PCDHA1: variants seen among roughly 807,000 people sequenced by gnomAD.
PCDHA1 encodes protocadherin alpha 1, also known as protocadherin alpha-1.
A neutral mutation model predicts 61.3 loss-of-function variants in PCDHA1; 42 were observed. The observed-to-expected ratio is 0.69, with a 90% CI of 0.54 to 0.89. The LOEUF is 0.89. Among genes scored for constraint, PCDHA1 ranks in the 40% least tolerant of loss-of-function variants. The pLI, the probability that PCDHA1 is intolerant of heterozygous loss-of-function variation, is 0.00. For missense variants in PCDHA1, 1,256 were observed against 1,235.3 expected (o/e 1.02, Z -0.25); for synonymous variants, 610 against 553.8 (o/e 1.10, Z -1.43).
intron 1 of PCDHA1, among the ~76,000 whole-genome samples, chr5:140,821,333 A>T (rs1554128062): frequency 6.6e-6 from 1 of 152,190 alleles, no homozygotes; most frequent in East Asian, 1.9e-4. Flanking sequence ...TCTAGTAAGG[A>T]TTGGGGTTTC....
intron 1 of PCDHA1, chr5:140,968,754 G>A (rs782271569): frequency 1.2e-5 from 19 of 1,614,052 alleles, no homozygotes; most frequent in South Asian, 2.2e-5. Context: ...GTGGTGGTCC[G>A]AGATAATGGA....
chr5:140,875,517 G>A (rs2055556431), intron 1 of PCDHA1: 7 of 1,614,024 alleles, frequency 4.3e-6, no homozygotes, highest in Non-Finnish European at 5.9e-6. Flanking sequence ...AGCGTCTGCT[G>A]CTCTCGCTTC....
chr5:140,903,765 C>G (rs782453519), intron 1 of PCDHA1, among the ~76,000 whole-genome samples: 1 of 152,086 alleles, frequency 6.6e-6, no homozygotes. Flanking sequence ...TTTTGCTGAA[C>G]TTTTCTATCC....
At chr5:140,900,538 A>G (rs1341812228) in intron 1 of PCDHA1, among the ~76,000 whole-genome samples, 1 of 152,162 alleles carries the variant, frequency 6.6e-6, no homozygotes, top group Non-Finnish European at 1.5e-5. Context: ...CGGCTTTCCA[A>G]AGTGCTGGGA....
intron 1 of PCDHA1, chr5:140,882,108 A>G: frequency 7.3e-7 from 1 of 1,370,912 alleles, no homozygotes; most frequent in Non-Finnish European, 9.8e-7. Flanking sequence ...TCCGCGAAGA[A>G]AGCCGCCGTT....
intron 1 of PCDHA1, chr5:140,843,565 G>A (rs2150362787): frequency 6.3e-7 from 1 of 1,595,918 alleles, no homozygotes; most frequent in Admixed American, 1.7e-5. Context: ...TGGGGAGCTG[G>A]TCATACTCGC....
At chr5:140,928,120 G>A (rs368067553) in intron 1 of PCDHA1, 5 of 1,614,062 alleles carry the variant, frequency 3.1e-6, no homozygotes, top group African/African-American at 1.3e-5. Context: ...GCAGATCAGT[G>A]AATACCAAGT....
At chr5:140,795,989 A>C (rs1554119641) in intron 1 of PCDHA1, 2 of 1,614,148 alleles carry the variant, frequency 1.2e-6, no homozygotes, top group Non-Finnish European at 1.7e-6. Context: ...AAACTTGTGG[A>C]CATCAATGAT....
intron 1 of PCDHA1, chr5:140,883,583 G>T (rs782212784): frequency 2.5e-6 from 4 of 1,613,916 alleles, no homozygotes; most frequent in Non-Finnish European, 3.4e-6. Context: ...GTGGGCCACG[G>T]CCAGCGTGTC....
intron 1 of PCDHA1, among the ~76,000 whole-genome samples, chr5:140,837,376 A>G (rs1191040233): frequency 6.6e-6 from 1 of 151,912 alleles, no homozygotes; most frequent in Non-Finnish European, 1.5e-5. Context: ...AGTATTTTTT[A>G]TTTTGTTCCT....
rs1761442223 is a variant in PCDHA1 at position 140,788,164 on chromosome 5, G to C, written c.1874G>C (p.Gly625Ala). ...GGCGCGCGCATCCCGTTCCGCGTGG[G>C]GCTGTACACGGGCGAGATCAGCACG... Reference protein sequence around the residue: ...AGGARIPFRVGLYTGEISTTR... With the variant: ...AGGARIPFRVALYTGEISTTR... The change falls in exon 1 of 4, where the codon GGG becomes GCG. Residue 625 changes from glycine to alanine, a missense_variant. Gly to Ala is a moderately conservative substitution (Grantham distance 60, BLOSUM62 0). Coordinates refer to ENST00000504120, the MANE Select transcript of PCDHA1 (RefSeq NM_018900.4). The C allele has an allele frequency of 1.2e-6, 2 of 1,614,020 alleles. No individual in the cohort carries two copies. Among genetic ancestry groups the C allele is most frequent in the Admixed American group, 1.7e-5 (1 of 60,024 alleles).
At chr5:140,910,311 A>G (rs928675389) in intron 1 of PCDHA1, among the ~76,000 whole-genome samples, 4 of 152,224 alleles carry the variant, frequency 2.6e-5, no homozygotes, top group African/African-American at 9.6e-5. Context: ...AGAGATCTAC[A>G]TGAGTCAGAC....
At chr5:140,822,871 A>C in intron 1 of PCDHA1, 1 of 1,614,204 alleles carries the variant, frequency 6.2e-7, no homozygotes. Flanking sequence ...TCCACTCAGC[A>C]CGGTCATTGC....
chr5:140,969,630 A>G (rs1185557414), intron 1 of PCDHA1: 1 of 654,766 alleles, frequency 1.5e-6, no homozygotes, highest in Non-Finnish European at 2.5e-6. Flanking sequence ...GAAACAGGAC[A>G]GGCCTTGGAA....
intron 1 of PCDHA1, among the ~76,000 whole-genome samples, chr5:140,945,698 T>C (rs530742031): frequency 3.9e-5 from 6 of 152,046 alleles, no homozygotes; most frequent in Non-Finnish European, 8.8e-5. Flanking sequence ...GTCCACTGAT[T>C]TGCAACAAAA....
chr5:140,794,489 G>A (rs1761861148), intron 1 of PCDHA1, among the ~76,000 whole-genome samples: 1 of 152,182 alleles, frequency 6.6e-6, no homozygotes, highest in African/African-American at 2.4e-5. Flanking sequence ...CTGGAGTGAC[G>A]GTGAAAAGCG....
chr5:140,841,768 C>T (rs2150322349), intron 1 of PCDHA1: 2 of 1,613,936 alleles, frequency 1.2e-6, no homozygotes, highest in East Asian at 2.2e-5. Context: ...GAATGCCAGA[C>T]TCTCGGTTTC....
chr5:140,823,418 T>C, intron 1 of PCDHA1: 1 of 1,613,286 alleles, frequency 6.2e-7, no homozygotes, highest in Non-Finnish European at 8.5e-7. Flanking sequence ...GGCAGCAACG[T>C]GACGCTGCAG....
At chr5:140,871,934 C>T (rs2053394158) in intron 1 of PCDHA1, among the ~76,000 whole-genome samples, 1 of 152,222 alleles carries the variant, frequency 6.6e-6, no homozygotes, top group Non-Finnish European at 1.5e-5. Flanking sequence ...GTTAGATCAA[C>T]TGGCTTTGTT....
Sources: allele counts gnomAD v4.1 joint callset (sites outside exome capture counted in the v4.1 genomes callset), GRCh38; gene constraint gnomAD v4.1.1; transcripts MANE v1.5; gene names NCBI Gene and HGNC (gene_info 2026-07-23, HGNC 2026-07-21).